Variants in ATP1A4 observed in about 807,000 individuals in gnomAD.
The protein encoded by ATP1A4 is sodium/potassium-transporting ATPase subunit alpha-4.
A neutral mutation model predicts 114.3 loss-of-function variants in ATP1A4; 90 were observed. The ratio of observed to expected loss-of-function variants is 0.79; its 90% CI spans 0.66 to 0.94. The LOEUF (loss-of-function observed/expected upper bound fraction) is 0.94, where lower values mean the gene tolerates loss of function less well. ATP1A4 is among the 40% of genes least tolerant of loss of function. The pLI is 0.00. For synonymous variants in ATP1A4, 511 were observed against 494.1 expected (o/e 1.03, Z -0.45); for missense variants, 1,222 against 1,313.6 (o/e 0.93, Z 1.08).
In ATP1A4 at chr1:160,155,193, G is replaced by A; in HGVS notation, c.356G>A (p.Cys119Tyr). ...SLLLWTGAIL[C>Y]FVAYSIQIYF... The stretch of plus-strand genomic sequence containing the variant: ...CTACTATGGACTGGGGCCATTCTCT[G>A]CTTTGTGGCCTACAGCATCCAGATA... Residue 119 changes from cysteine (C) to tyrosine (Y), a missense_variant, in exon 3 of 22, where the codon TGC becomes TAC. By Grantham distance (194) the Cys-to-Tyr change is radical (BLOSUM62 -2). Transcript: ENST00000368081. 1 of 1,612,004 alleles carries A rather than the reference G, an allele frequency of 6.2e-7. No individual in the cohort carries two copies. Among genetic ancestry groups the A allele is most frequent in the South Asian group, 1.1e-5 (1 of 91,038 alleles).
At chr1:160,170,316 C>T (rs1180028843) in intron 10 of ATP1A4, 1 of 152,274 alleles carries the variant, frequency 6.6e-6, no homozygotes, top group Non-Finnish European at 1.5e-5. Flanking sequence ...ATCCCAGCTA[C>T]TCGGGAGGCT....
Position 160,176,095 on chromosome 1 carries a change from G to A in ATP1A4, c.2315G>A (p.Arg772His), listed in dbSNP as rs1233291589. The A allele has an allele frequency of 1.6e-5, 26 of 1,613,888 alleles. No homozygotes were observed. Among genetic ancestry groups the A allele is most frequent in the South Asian group, 6.6e-5 (6 of 91,068 alleles). Reference sequence around the variant, plus strand: ...GGAGGTTGACCTTCCTCCCCAGGCCGCCTGATCTTTGACAACCTGAAGAAA... The same window carrying A: ...GGAGGTTGACCTTCCTCCCCAGGCCACCTGATCTTTGACAACCTGAAGAAA... The part of the protein sequence containing the change: ...ASIVTGVEEG[R>H]LIFDNLKKSI... Residue 772 changes from arginine (R) to histidine (H), a missense_variant, in exon 16 of 22, where the codon CGC becomes CAC. Arg to His is a conservative substitution (Grantham distance 29). Coordinates refer to ENST00000368081, the MANE Select transcript of ATP1A4 (RefSeq NM_144699.4).
At position 160,177,672 on chromosome 1, in the gene ATP1A4, G is replaced by A; in HGVS notation, c.2736+8G>A. On this transcript the variant is annotated splice_region_variant and intron_variant, in intron 18 of 21. Transcript: ENST00000368081. ...AGCTACGGACAGCAGTGGGTGAGTA[G>A]AAGGGATAAGGTAGGAGCTGAGACC... The A allele has an allele frequency of 1.2e-6, 2 of 1,614,174 alleles. No individual in the cohort carries two copies. The highest frequency in any genetic ancestry group is 1.7e-6 in the Non-Finnish European group (2 of 1,180,018).
Position 160,181,987 on chromosome 1 carries a change from C to T in ATP1A4, c.2925C>T (p.Ser975=), listed in dbSNP as rs752846134. The T allele has an allele frequency of 6.2e-7, 1 of 1,614,152 alleles. No homozygotes were observed. The highest frequency in any genetic ancestry group is 1.3e-5 in the African/African-American group (1 of 75,014). The change falls in exon 20 of 22, where the codon TCC becomes TCT. Residue 975 remains serine, a synonymous_variant. Transcript: ENST00000368081. ...AGACACTCTTGGCTGCATTTCTGTC[C>T]TACACTCCAGGCATGGACGTGGCCC... The part of the protein sequence containing the change: ...LEETLLAAFL[S]YTPGMDVALR...
chr1:160,174,355 G>A (rs1571028835), intron 14 of ATP1A4, 94 bp downstream of exon 14: 9 of 1,551,522 alleles, frequency 5.8e-6, no homozygotes, highest in African/African-American at 2.7e-5. Flanking sequence ...GGCTGGGCTA[G>A]AGGAGACTCC....
At chr1:160,153,341 C>G in intron 2 of ATP1A4, 117 bp downstream of exon 2, 1 of 863,600 alleles carries the variant, frequency 1.2e-6, no homozygotes, top group Non-Finnish European at 1.9e-6. Flanking sequence ...GTTCCCACCC[C>G]TCACCCTCTG....
rs151137285 is a variant in ATP1A4 at position 160,159,470 on chromosome 1, A to G, written c.722A>G (p.His241Arg). 7.9e-4 allele frequency: 1,276 copies of G among 1,613,904 alleles called. No individual in the cohort carries two copies. The highest frequency in any genetic ancestry group is 1.0e-3 in the Non-Finnish European group (1,224 of 1,179,948). ...EPQSRSPDFT[H>R]ENPLETRNIC... ...CAGAGCCGCTCCCCTGACTTCACCC[A>G]TGAGAACCCTCTGGAGACCCGAAAC... The change falls in exon 6 of 22, where the codon CAT becomes CGT. Residue 241 changes from histidine to arginine, a missense_variant. His to Arg is a conservative substitution (Grantham distance 29, BLOSUM62 0). Transcript: ENST00000368081.
chr1:160,159,869 G>A (rs576823792), intron 6 of ATP1A4, among the ~76,000 whole-genome samples: 1 of 152,310 alleles, frequency 6.6e-6, no homozygotes, highest in East Asian at 1.9e-4. Flanking sequence ...ATGGCACAGA[G>A]GGGAGGAAAA....
rs1322077081 is a variant in ATP1A4, at chr1:160,166,970, A to G, written c.1249A>G (p.Lys417Glu). Residue 417 changes from lysine (K) to glutamate (E), a missense_variant and splice_region_variant, in exon 9 of 22, where the codon AAA becomes GAA. Coordinates refer to ENST00000368081, the MANE Select transcript of ATP1A4 (RefSeq NM_144699.4). ...EADTTEEQTG[K>E]TFTKSSDTWF... ...ATTCTTCTTTTCTTTCTCCCTAGGA[A>G]AAACATTTACCAAGAGCTCTGATAC... is the stretch of plus-strand genomic sequence containing the variant. The G allele has an allele frequency of 5.6e-6, 9 of 1,613,906 alleles. No individual in the cohort carries two copies. The highest frequency in any genetic ancestry group is 7.6e-6 in the Non-Finnish European group (9 of 1,179,902).
At chr1:160,173,087 G>A (rs1653324887) in intron 12 of ATP1A4, among the ~76,000 whole-genome samples, 1 of 152,182 alleles carries the variant, frequency 6.6e-6, no homozygotes, top group Non-Finnish European at 1.5e-5. Context: ...GTAGAAATGG[G>A]ACAGGACTAG....
rs781129181 is a variant in ATP1A4 at position 160,173,712 on chromosome 1, T to C, written c.1986T>C (p.Asp662=). The C allele has an allele frequency of 7.4e-6, 12 of 1,614,138 alleles. No homozygotes were observed. Among genetic ancestry groups the C allele is most frequent in the African/African-American group, 1.3e-5 (1 of 75,054 alleles). The change falls in exon 13 of 22, where the codon GAT becomes GAC. Residue 662 remains aspartate (D), a synonymous_variant. Transcript: ENST00000368081. The stretch of plus-strand genomic sequence containing the variant: ...TTAAGATCCCTATCAGCAAGGTCGA[T>C]GCCAGGTGAGATCACTAAAGAACTC... ...ARLKIPISKV[D]ASAAKAIVVH...
chr1:160,176,152 C>T lies in ATP1A4; in HGVS notation c.2372C>T (p.Pro791Leu). 1 of 1,614,118 alleles carries T rather than the reference C, an allele frequency of 6.2e-7. No individual in the cohort carries two copies. The highest frequency in any genetic ancestry group is 8.5e-7 in the Non-Finnish European group (1 of 1,180,018). The change falls in exon 16 of 22, where the codon CCC (proline) becomes CTC (leucine). Residue 791 changes from proline to leucine, a missense_variant. Pro to Leu is a moderately conservative substitution (Grantham distance 98). Coordinates refer to ENST00000368081, the MANE Select transcript of ATP1A4 (RefSeq NM_144699.4). ...SIMYTLTSNI[P>L]EITPFLMFII... The stretch of plus-strand genomic sequence containing the variant: ...ATGTACACCCTGACCAGCAACATCC[C>T]CGAGATCACGCCCTTCCTGATGTTC...
At position 160,165,965 on chromosome 1, in the gene ATP1A4, G is replaced by T. The variant is rs572446139; in HGVS notation, c.1048-563G>T. ...AGAGGATCCCTGTCTATGATACCCT[G>T]GTAAAGAAATACACTCTTTTTTGGC... On this transcript the variant is annotated intron_variant, in intron 7 of 21. Transcript: ENST00000368081. Among the ~76,000 whole-genome samples, 34 of 151,940 alleles carry T rather than the reference G, an allele frequency of 2.2e-4. No homozygotes were observed. The South Asian group carries it at 6.7e-3, about 30-fold the overall frequency.
intron 3 of ATP1A4, 145 bp from the exon 4 acceptor site, chr1:160,155,900 G>C (rs570658936): frequency 8.5e-6 from 5 of 591,060 alleles, no homozygotes; most frequent in Non-Finnish European, 1.5e-5. Context: ...TCCCACCTCA[G>C]ATTCTTCTCT....
rs780983085 is a variant in ATP1A4, at chr1:160,159,480, T to C, written c.732T>C (p.Pro244=). Residue 244 remains proline (P), a synonymous_variant, in exon 6 of 22, where the codon CCT becomes CCC. Transcript: ENST00000368081. ...CCCCTGACTTCACCCATGAGAACCC[T>C]CTGGAGACCCGAAACATCTGCTTCT... ...SRSPDFTHEN[P]LETRNICFFS... is the part of the protein sequence containing the mutation. 19 of 1,613,208 alleles carry C rather than the reference T, an allele frequency of 1.2e-5. No individual in the cohort carries two copies. Among genetic ancestry groups the C allele is most frequent in the Admixed American group, 8.3e-5 (5 of 59,956 alleles).
chr1:160,162,091 G>C (rs549581658), intron 6 of ATP1A4, among the ~76,000 whole-genome samples: 5 of 152,120 alleles, frequency 3.3e-5, no homozygotes, highest in African/African-American at 1.2e-4. Context: ...ATTCCATTTC[G>C]AAGATGAGGA....
chr1:160,151,841 C>T lies in ATP1A4; in HGVS notation c.-200C>T. On this transcript the variant is annotated 5_prime_UTR_variant, in exon 1 of 22. Coordinates refer to ENST00000368081, the MANE Select transcript of ATP1A4 (RefSeq NM_144699.4). ...CGGCTGGAGGACCGCTCAGTCTCTCCTCTCTCACTTCCCTTCCTCTCTCTC... is the reference window on the plus strand; with the variant it reads ...CGGCTGGAGGACCGCTCAGTCTCTCTTCTCTCACTTCCCTTCCTCTCTCTC... 1 of 563,168 alleles carries T rather than the reference C, an allele frequency of 1.8e-6. No homozygotes were observed. Among genetic ancestry groups the T allele is most frequent in the Non-Finnish European group, 3.1e-6 (1 of 325,088 alleles). The allele number at this position is 563,168 out of a possible 1,614,324, so 34.9% of individuals were successfully genotyped here.
chr1:160,159,661 G>A, intron 6 of ATP1A4, 135 bp downstream of exon 6: 1 of 697,618 alleles, frequency 1.4e-6, no homozygotes, highest in Non-Finnish European at 2.4e-6. Context: ...CGAGCTGTAT[G>A]ACCTCTGGTG....
At chr1:160,160,295 C>A (rs1233664055) in intron 6 of ATP1A4, among the ~76,000 whole-genome samples, 2 of 152,182 alleles carry the variant, frequency 1.3e-5, no homozygotes, top group African/African-American at 4.8e-5. Flanking sequence ...CAGCTCACTG[C>A]AACCTCTGCC....
Sources: allele counts gnomAD v4.1 joint callset (sites outside exome capture counted in the v4.1 genomes callset), GRCh38; gene constraint gnomAD v4.1.1; transcripts MANE v1.5; gene names NCBI Gene and HGNC (gene_info 2026-07-23, HGNC 2026-07-21).